The following LRRTM4 variants were observed in gnomAD, a reference collection of about 807,000 sequenced individuals.
LRRTM4 encodes the protein leucine rich repeat transmembrane neuronal 4.
In LRRTM4, 25 loss-of-function variants were observed where a neutral mutation model predicts 47.6. The ratio of observed to expected loss-of-function variants is 0.53; its 90% CI spans 0.38 to 0.73. The LOEUF (loss-of-function observed/expected upper bound fraction) is 0.73, where lower values mean the gene tolerates loss of function less well. LRRTM4 is among the 30% of genes least tolerant of loss of function. The probability of loss-of-function intolerance (pLI) is 0.00; values close to 1 mark genes in which losing one functional copy is unlikely to be tolerated. For missense variants in LRRTM4, 638 were observed against 713.4 expected, an observed-to-expected ratio of 0.89 and a Z score of 1.20; for synonymous variants, 311 against 269.5, an observed-to-expected ratio of 1.15 and a Z score of -1.51.
At chr2:77,375,774 T>C (rs949217156) in intron 3 of LRRTM4, among the ~76,000 whole-genome samples, 1 of 151,790 alleles carries the variant, frequency 6.6e-6, no homozygotes, top group Non-Finnish European at 1.5e-5. Context: ...TTCTTTCTTT[T>C]CCAATTTTGA....
At chr2:76,783,044 G>C (rs935941920) in intron 3 of LRRTM4, among the ~76,000 whole-genome samples, 2 of 151,902 alleles carry the variant, frequency 1.3e-5, no homozygotes, top group Non-Finnish European at 1.5e-5. Flanking sequence ...ACACACCTTA[G>C]AGATACACAT....
At chr2:77,488,474 G>C (rs1217684444) in intron 3 of LRRTM4, among the ~76,000 whole-genome samples, 3 of 152,162 alleles carry the variant, frequency 2.0e-5, no homozygotes, top group Non-Finnish European at 4.4e-5. Context: ...AGGACGAATG[G>C]GTGGAATGAA....
chr2:77,453,800 C>T (rs925852850), intron 3 of LRRTM4, among the ~76,000 whole-genome samples: 10 of 152,094 alleles, frequency 6.6e-5, no homozygotes, highest in Non-Finnish European at 1.5e-4. Context: ...TTAATTCATT[C>T]ACATTTATTT....
intron 3 of LRRTM4, among the ~76,000 whole-genome samples, chr2:77,415,161 C>G (rs1240518956): frequency 6.6e-6 from 1 of 152,076 alleles, no homozygotes; most frequent in Non-Finnish European, 1.5e-5. Flanking sequence ...TCACTTTATC[C>G]AAATATTTTG....
At chr2:77,152,899 AACATATCCATC>A (rs934799453) in intron 3 of LRRTM4, among the ~76,000 whole-genome samples, 3 of 152,212 alleles carry the variant, frequency 2.0e-5, no homozygotes, top group Admixed American at 2.0e-4. Context: ...CAAGCTAGTT[AACATATCCATC>A]ACTTCAAATT....
At chr2:77,055,813 G>A (rs941184027) in intron 3 of LRRTM4, among the ~76,000 whole-genome samples, 12 of 151,858 alleles carry the variant, frequency 7.9e-5, no homozygotes, top group Non-Finnish European at 1.5e-4. Context: ...ATGATAGATT[G>A]GATTAAGAAA....
chr2:77,131,103 G>C (rs898435108), intron 3 of LRRTM4, among the ~76,000 whole-genome samples: 1 of 151,716 alleles, frequency 6.6e-6, no homozygotes, highest in Non-Finnish European at 1.5e-5. Context: ...CAAAGTGCTG[G>C]GATTACAGGC....
chr2:76,849,548 C>G (rs528156314), intron 3 of LRRTM4, among the ~76,000 whole-genome samples: 70 of 150,472 alleles, frequency 4.7e-4, no homozygotes, highest in African/African-American at 1.7e-3. Flanking sequence ...AAGACTTCAT[C>G]AAATAAATGT....
intron 3 of LRRTM4, among the ~76,000 whole-genome samples, chr2:77,037,319 T>C (rs191468747): frequency 1.6e-4 from 25 of 151,812 alleles, no homozygotes; most frequent in African/African-American, 5.3e-4. Flanking sequence ...TTCACACTAG[T>C]GATCAAAGAA....
chr2:77,276,522 A>G (rs1158606730), intron 3 of LRRTM4, among the ~76,000 whole-genome samples: 1 of 148,738 alleles, frequency 6.7e-6, no homozygotes, highest in African/African-American at 2.5e-5. Context: ...ATATGTGTGT[A>G]TATAGATATA....
intron 3 of LRRTM4, among the ~76,000 whole-genome samples, chr2:77,420,055 T>C (rs538215368): frequency 1.4e-4 from 22 of 152,282 alleles, no homozygotes; most frequent in African/African-American, 3.8e-4. Flanking sequence ...TTTCTGTCAT[T>C]AGAATTAACC....
At chr2:77,064,072 A>AT (rs1051223812) in intron 3 of LRRTM4, among the ~76,000 whole-genome samples, 4 of 152,148 alleles carry the variant, frequency 2.6e-5, no homozygotes, top group East Asian at 3.9e-4. Flanking sequence ...GTTGTTCCTT[A>AT]TTTTTTTTAA....
At chr2:76,972,412 CTTTTTTTTTTT>C (rs397869502) in intron 3 of LRRTM4, among the ~76,000 whole-genome samples, 5 of 95,260 alleles carry the variant, frequency 5.2e-5, no homozygotes, top group African/African-American at 1.7e-4. Flanking sequence ...TCATTGAACA[CTTTTTTTTTTT>C]TTTTTTTTTT....
chr2:77,072,589 G>C (rs975659271), intron 3 of LRRTM4, among the ~76,000 whole-genome samples: 3 of 151,988 alleles, frequency 2.0e-5, no homozygotes, highest in Non-Finnish European at 4.4e-5. Context: ...CCTGAAGTCA[G>C]AAGTTCGAGA....
chr2:76,983,541 T>C (rs955122900), intron 3 of LRRTM4, among the ~76,000 whole-genome samples: 5 of 152,056 alleles, frequency 3.3e-5, no homozygotes, highest in Non-Finnish European at 5.9e-5. Context: ...CTTTCCATCA[T>C]GATTGTGAGG....
chr2:77,334,701 C>T (rs976916227), intron 3 of LRRTM4, among the ~76,000 whole-genome samples: 1 of 152,160 alleles, frequency 6.6e-6, no homozygotes. Flanking sequence ...TGGACTAATA[C>T]AAATACAGTT....
At chr2:76,846,662 T>C (rs1046453392) in intron 3 of LRRTM4, among the ~76,000 whole-genome samples, 35 of 152,166 alleles carry the variant, frequency 2.3e-4, no homozygotes, top group Non-Finnish European at 4.6e-4. Flanking sequence ...GTTTGCCTGC[T>C]TTACTCATTT....
At chr2:77,260,000 G>A (rs1259942811) in intron 3 of LRRTM4, among the ~76,000 whole-genome samples, 1 of 151,996 alleles carries the variant, frequency 6.6e-6, no homozygotes, top group African/African-American at 2.4e-5. Context: ...GTGGAGAGTT[G>A]CGAAGTGAAA....
At chr2:76,900,659 TTAAG>T (rs1275185834) in intron 3 of LRRTM4, among the ~76,000 whole-genome samples, 1 of 152,172 alleles carries the variant, frequency 6.6e-6, no homozygotes, top group Non-Finnish European at 1.5e-5. Context: ...GTATGTCCAT[TTAAG>T]TATCATTTAA....
Sources: gnomAD v4.1 joint callset for allele counts (sites outside exome capture counted in the v4.1 genomes callset) on GRCh38, gnomAD v4.1.1 for gene constraint, MANE v1.5 for transcripts, NCBI Gene and HGNC (gene_info 2026-07-23, HGNC 2026-07-21) for gene names.